CNTN5: variants seen among roughly 807,000 people sequenced by gnomAD.
CNTN5 encodes the protein contactin-5.
A neutral mutation model predicts 129.1 loss-of-function variants in CNTN5; 77 were observed. That is an observed-to-expected ratio of 0.60 (90% confidence interval 0.50 to 0.72). The LOEUF (loss-of-function observed/expected upper bound fraction) is 0.72. Among genes scored for constraint, CNTN5 ranks in the 30% least tolerant of loss-of-function variants. The pLI is 0.00. For synonymous variants in CNTN5, 509 were observed against 465.6 expected, an observed-to-expected ratio of 1.09 and a Z score of -1.20; for missense variants, 1,478 against 1,328.8, an observed-to-expected ratio of 1.11 and a Z score of -1.75.
At chr11:99,773,705 C>T (rs1158910046) in intron 3 of CNTN5, among the ~76,000 whole-genome samples, 2 of 151,742 alleles carry the variant, frequency 1.3e-5, no homozygotes, top group African/African-American at 4.8e-5. Context: ...ATATTAATGC[C>T]AATTAAATGC....
intron 6 of CNTN5, among the ~76,000 whole-genome samples, chr11:99,907,630 G>T (rs1349158161): frequency 1.3e-5 from 2 of 151,172 alleles, no homozygotes; most frequent in African/African-American, 2.4e-5. Flanking sequence ...ACTATAAAAG[G>T]CTTTAAAATG....
intron 7 of CNTN5, among the ~76,000 whole-genome samples, chr11:99,944,132 T>A (rs1950505551): frequency 6.6e-6 from 1 of 151,980 alleles, no homozygotes; most frequent in Admixed American, 6.6e-5. Context: ...CTTCAGGCAG[T>A]ATGGTCATTT....
intron 6 of CNTN5, among the ~76,000 whole-genome samples, chr11:99,859,289 T>C (rs1271193662): frequency 2.0e-5 from 3 of 152,224 alleles, no homozygotes; most frequent in Non-Finnish European, 4.4e-5. Flanking sequence ...ACTTAACGTA[T>C]GTAATATATC....
chr11:99,238,604 T>C (rs778197916), intron 1 of CNTN5, among the ~76,000 whole-genome samples: 4 of 152,164 alleles, frequency 2.6e-5, no homozygotes, highest in Non-Finnish European at 4.4e-5. Flanking sequence ...ATTGCCTAAC[T>C]TGGCAAGAAA....
At chr11:99,780,739 G>A (rs1398735316) in intron 3 of CNTN5, among the ~76,000 whole-genome samples, 1 of 151,950 alleles carries the variant, frequency 6.6e-6, no homozygotes, top group Non-Finnish European at 1.5e-5. Context: ...GTAAAATTAC[G>A]CTTTATAAAA....
intron 7 of CNTN5, among the ~76,000 whole-genome samples, chr11:99,925,822 A>T (rs1591431877): frequency 6.6e-6 from 1 of 152,146 alleles, no homozygotes; most frequent in Non-Finnish European, 1.5e-5. Context: ...GATAAGATAT[A>T]AGTAAACAAA....
At chr11:99,948,368 T>C (rs796365649) in intron 7 of CNTN5, among the ~76,000 whole-genome samples, 34 of 152,318 alleles carry the variant, frequency 2.2e-4, no homozygotes, top group African/African-American at 7.5e-4. Context: ...TCCTTACTGT[T>C]TGATATGGTT....
intron 4 of CNTN5, among the ~76,000 whole-genome samples, chr11:99,833,937 G>A (rs996888557): frequency 1.3e-5 from 2 of 152,112 alleles, no homozygotes; most frequent in Non-Finnish European, 2.9e-5. Context: ...CTTTCATTTA[G>A]GTAGTAGAGA....
intron 2 of CNTN5, among the ~76,000 whole-genome samples, chr11:99,553,541 T>C (rs1948563981): frequency 6.6e-6 from 1 of 152,068 alleles, no homozygotes; most frequent in Admixed American, 6.6e-5. Flanking sequence ...TTTATTTTAC[T>C]CAGAAGAGTT....
At chr11:99,920,981 AC>A (rs1470617756) in intron 7 of CNTN5, among the ~76,000 whole-genome samples, 1 of 152,066 alleles carries the variant, frequency 6.6e-6, no homozygotes, top group Non-Finnish European at 1.5e-5. Flanking sequence ...ATTAGAAGAG[AC>A]ACCAGAGAGC....
chr11:99,242,077 A>T (rs1405777246), intron 1 of CNTN5, among the ~76,000 whole-genome samples: 1 of 152,194 alleles, frequency 6.6e-6, no homozygotes, highest in East Asian at 1.9e-4. Flanking sequence ...TGGAGATTTA[A>T]ATCCATTCAA....
chr11:99,431,359 C>T (rs1052238401), intron 2 of CNTN5, among the ~76,000 whole-genome samples: 2 of 152,158 alleles, frequency 1.3e-5, no homozygotes, highest in African/African-American at 4.8e-5. Flanking sequence ...CTTACCCTCC[C>T]TGTTGAAAGC....
chr11:99,559,888 A>G (rs1233481187), intron 3 of CNTN5, among the ~76,000 whole-genome samples: 1 of 152,192 alleles, frequency 6.6e-6, no homozygotes, highest in Non-Finnish European at 1.5e-5. Flanking sequence ...ACCAATACCA[A>G]ACTACACAAA....
In CNTN5 at chr11:99,782,768, T is replaced by G. The variant is rs544826972; in HGVS notation, c.56-36776T>G. On this transcript the variant is annotated intron_variant, in intron 3 of 24. Transcript: ENST00000524871. Reference sequence around the variant, plus strand: ...AATAAATGGACATGGGAAAACTGGCTAGCCATATGTAGAAAGCTGAAACTG... The same window carrying G: ...AATAAATGGACATGGGAAAACTGGCGAGCCATATGTAGAAAGCTGAAACTG... Among the ~76,000 whole-genome samples, 14 of 152,102 alleles carry G rather than the reference T, an allele frequency of 9.2e-5. 1 individual carries two copies. The highest frequency in any genetic ancestry group is 3.4e-4 in the African/African-American group (14 of 41,508).
At chr11:100,281,008 T>C (rs1027547870) in intron 18 of CNTN5, among the ~76,000 whole-genome samples, 2 of 152,160 alleles carry the variant, frequency 1.3e-5, no homozygotes, top group Non-Finnish European at 2.9e-5. Flanking sequence ...TTTTTAACTT[T>C]CTGCTGTTTC....
intron 1 of CNTN5, among the ~76,000 whole-genome samples, chr11:99,080,297 G>A: frequency 6.6e-6 from 1 of 152,160 alleles, no homozygotes; most frequent in East Asian, 1.9e-4. Context: ...GATAATGACA[G>A]GAATCTGAAT....
chr11:99,621,810 TTTGC>T (rs1950960487), intron 3 of CNTN5, among the ~76,000 whole-genome samples: 1 of 152,184 alleles, frequency 6.6e-6, no homozygotes, highest in Non-Finnish European at 1.5e-5. Flanking sequence ...CACTCTTATA[TTTGC>T]CCACATAAGT....
intron 6 of CNTN5, among the ~76,000 whole-genome samples, chr11:99,881,437 T>C (rs1948769208): frequency 1.3e-5 from 2 of 152,250 alleles, no homozygotes; most frequent in South Asian, 2.1e-4. Flanking sequence ...GGGGAATGTA[T>C]GGTACATTTC....
chr11:99,786,841 A>G (rs1445060836), intron 3 of CNTN5, among the ~76,000 whole-genome samples: 1 of 152,222 alleles, frequency 6.6e-6, no homozygotes, highest in Non-Finnish European at 1.5e-5. Context: ...TACACGTTAT[A>G]CAAAAATTAA....
Sources: allele counts gnomAD v4.1 joint callset (sites outside exome capture counted in the v4.1 genomes callset), GRCh38; gene constraint gnomAD v4.1.1; transcripts MANE v1.5; gene names NCBI Gene and HGNC (gene_info 2026-07-23, HGNC 2026-07-21).